Variants in CDYL observed in about 807,000 individuals in gnomAD.
The protein encoded by CDYL is chromodomain Y-like protein.
CDYL carries 8 observed loss-of-function variants against 47.3 expected under a neutral mutation model. The ratio of observed to expected loss-of-function variants is 0.17; its 90% CI spans 0.10 to 0.31. CDYL has a LOEUF of 0.31. Ranked by LOEUF, CDYL falls within the 10% of genes least tolerant of loss-of-function variation. CDYL has a pLI of 1.00. For synonymous variants in CDYL, 266 were observed against 265.0 expected (o/e 1.00, Z -0.04); for missense variants, 471 against 701.4 (o/e 0.67, Z 3.71).
At chr6:4,749,307 A>G (rs6932376) in intron 3 of CDYL, among the ~76,000 whole-genome samples, 2,297 of 146,562 alleles carry the variant, frequency 0.016, 58 homozygotes, top group African/African-American at 0.047. Flanking sequence ...ATGGATGGAT[A>G]GATGGATGGA....
chr6:4,794,497 G>A (rs1226069481), intron 1 of CDYL, among the ~76,000 whole-genome samples: 2 of 152,138 alleles, frequency 1.3e-5, no homozygotes, highest in African/African-American at 2.4e-5. Flanking sequence ...AAAGAGAACT[G>A]GGAGTGCCGG....
rs567305978 is a variant in CDYL, at chr6:4,878,052, A to G, written c.25-13661A>G. On this transcript the variant is annotated intron_variant, in intron 1 of 6. Transcript: ENST00000397588. The stretch of plus-strand genomic sequence containing the variant: ...GGCTTTTCTCTTCTATTCTCATAGT[A>G]TGGTGGATTATATTGATTTTGTAAA... Among the ~76,000 whole-genome samples the G allele has an allele frequency of 3.3e-5, 5 of 152,254 alleles. No individual in the cohort carries two copies. The South Asian group carries it at 1.0e-3, about 32-fold the overall frequency.
At chr6:4,712,044 G>A (rs1011728955) in intron 1 of CDYL, among the ~76,000 whole-genome samples, 5 of 152,044 alleles carry the variant, frequency 3.3e-5, no homozygotes, top group Non-Finnish European at 5.9e-5. Flanking sequence ...CAGCCCAGGT[G>A]ACAGAGCAAG....
intron 2 of CDYL, among the ~76,000 whole-genome samples, chr6:4,730,064 G>C (rs1005896309): frequency 1.4e-4 from 21 of 152,212 alleles, no homozygotes; most frequent in African/African-American, 5.1e-4. Context: ...CAGAACAAGT[G>C]TCTCCAACCA....
chr6:4,799,716 A>T (rs186617980), intron 1 of CDYL, among the ~76,000 whole-genome samples: 6 of 152,176 alleles, frequency 3.9e-5, no homozygotes, highest in Admixed American at 3.9e-4. Context: ...GAGATTACAG[A>T]GCATGAGCCA....
At chr6:4,780,714 G>A (rs1459818924) in intron 1 of CDYL, among the ~76,000 whole-genome samples, 2 of 152,002 alleles carry the variant, frequency 1.3e-5, no homozygotes, top group Non-Finnish European at 1.5e-5. Flanking sequence ...TCTACAAAAC[G>A]TTTTCCATTT....
At chr6:4,715,460 G>A (rs146356283) in intron 1 of CDYL, among the ~76,000 whole-genome samples, 15 of 152,282 alleles carry the variant, frequency 9.9e-5, no homozygotes, top group African/African-American at 2.4e-4. Context: ...ATTGTAATAC[G>A]TCATTATAAA....
intron 2 of CDYL, among the ~76,000 whole-genome samples, chr6:4,725,135 G>C (rs1757483602): frequency 6.6e-6 from 1 of 152,224 alleles, no homozygotes; most frequent in African/African-American, 2.4e-5. Context: ...CACAGGGTTT[G>C]TGTCTAGCTG....
At chr6:4,953,273 A>T (rs964025347) in intron 6 of CDYL, among the ~76,000 whole-genome samples, 14 of 151,352 alleles carry the variant, frequency 9.2e-5, no homozygotes, top group Admixed American at 5.9e-4. Context: ...AATCCCAACT[A>T]CTCGAGAGGC....
rs78327534 is a variant in CDYL, at chr6:4,790,422, A to G, written c.24+13615A>G. 2.0e-3 allele frequency among the ~76,000 whole-genome samples: 309 copies of G among 152,314 alleles called. 1 individual carries two copies. The highest frequency in any genetic ancestry group is 7.3e-3 in the African/African-American group (303 of 41,570). Reference sequence around the variant, plus strand: ...GATGTTATTTTTCTCCAAGACACATACTAGTGACCTTAACAACAACAAACT... The same window carrying G: ...GATGTTATTTTTCTCCAAGACACATGCTAGTGACCTTAACAACAACAAACT... On this transcript the variant is annotated intron_variant, in intron 1 of 6. Coordinates refer to ENST00000397588, the MANE Select transcript of CDYL (RefSeq NM_004824.4).
intron 2 of CDYL, among the ~76,000 whole-genome samples, chr6:4,926,696 T>C (rs564370544): frequency 2.1e-4 from 32 of 152,358 alleles, no homozygotes; most frequent in African/African-American, 7.5e-4. Context: ...ATAAGAATTA[T>C]TCTATGTCTC....
intron 2 of CDYL, among the ~76,000 whole-genome samples, chr6:4,906,171 A>G (rs947436210): frequency 6.6e-6 from 1 of 152,238 alleles, no homozygotes; most frequent in South Asian, 2.1e-4. Context: ...CTTTTATTGA[A>G]TGGAAAACCG....
chr6:4,934,203 A>C (rs1315759354), intron 2 of CDYL, among the ~76,000 whole-genome samples: 2 of 152,176 alleles, frequency 1.3e-5, no homozygotes, highest in African/African-American at 4.8e-5. Flanking sequence ...ACCCAGCCCA[A>C]GTGGCTAAGA....
chr6:4,835,444 A>T (rs982403451), intron 1 of CDYL, among the ~76,000 whole-genome samples: 8 of 152,172 alleles, frequency 5.3e-5, no homozygotes, highest in Non-Finnish European at 7.4e-5. Flanking sequence ...TTTGTCTCAG[A>T]GGAGTACCCG....
At chr6:4,843,108 T>A (rs1760551414) in intron 1 of CDYL, among the ~76,000 whole-genome samples, 1 of 152,184 alleles carries the variant, frequency 6.6e-6, no homozygotes, top group Non-Finnish European at 1.5e-5. Context: ...TTGTTTTGTT[T>A]AAGGAGGCTA....
chr6:4,742,679 G>C (rs1207558850), intron 3 of CDYL, among the ~76,000 whole-genome samples: 1 of 152,218 alleles, frequency 6.6e-6, no homozygotes, highest in African/African-American at 2.4e-5. Context: ...ACTCCCTTTG[G>C]GGGCAGAGAA....
intron 3 of CDYL, among the ~76,000 whole-genome samples, chr6:4,767,296 T>C (rs1278912260): frequency 6.7e-6 from 1 of 149,828 alleles, no homozygotes; most frequent in Non-Finnish European, 1.5e-5. Context: ...GGATGGAGAC[T>C]GGGCGCAGTG....
At position 4,776,799 on chromosome 6, in the gene CDYL, C is replaced by T; in HGVS notation, c.16C>T (p.Leu6=). The change falls in exon 1 of 7, where the codon CTG becomes TTG. Residue 6 remains leucine (L), a synonymous_variant. Coordinates refer to ENST00000397588, the MANE Select transcript of CDYL (RefSeq NM_004824.4). Reference sequence around the variant, plus strand: ...GCCGCCCACCATGGCTTCCGAGGAGCTGTACGAGGTACCTCCCCTCCCCCC... The same window carrying T: ...GCCGCCCACCATGGCTTCCGAGGAGTTGTACGAGGTACCTCCCCTCCCCCC... MASEE[L]YEVERIVDKR... 8.7e-7 allele frequency: 1 copy of T among 1,146,286 alleles called. No homozygotes were observed. Among genetic ancestry groups the T allele is most frequent in the Non-Finnish European group, 1.1e-6 (1 of 914,170 alleles). The allele number at this position is 1,146,286 out of a possible 1,614,324, so 71.0% of individuals were successfully genotyped here.
intron 2 of CDYL, among the ~76,000 whole-genome samples, chr6:4,909,422 G>A (rs1387025033): frequency 1.3e-5 from 2 of 152,102 alleles, no homozygotes; most frequent in Admixed American, 1.3e-4. Flanking sequence ...CCACCACCTT[G>A]TCCAAGCAAT....
Sources: gnomAD v4.1 joint callset for allele counts (sites outside exome capture counted in the v4.1 genomes callset) on GRCh38, gnomAD v4.1.1 for gene constraint, MANE v1.5 for transcripts, NCBI Gene and HGNC (gene_info 2026-07-23, HGNC 2026-07-21) for gene names.